Variants in FAM193A observed in about 807,000 individuals in gnomAD.
FAM193A encodes the protein protein FAM193A.
Under a neutral mutation model 126.5 loss-of-function variants are expected in FAM193A, and 22 were observed. That is an observed-to-expected ratio of 0.17 (90% CI 0.12 to 0.25). The LOEUF (loss-of-function observed/expected upper bound fraction) is 0.25, where lower values mean the gene tolerates loss of function less well. Among genes scored for constraint, FAM193A ranks in the 10% least tolerant of loss-of-function variants. The pLI is 1.00. For missense variants in FAM193A, 1,675 were observed against 1,672.8 expected (o/e 1.00, Z -0.02); for synonymous variants, 761 against 646.8 (o/e 1.18, Z -2.68).
chr4:2,559,212 G>C (rs1196860022), intron 1 of FAM193A, among the ~76,000 whole-genome samples: 2 of 152,152 alleles, frequency 1.3e-5, no homozygotes, highest in African/African-American at 4.8e-5. Flanking sequence ...TCAAATCATA[G>C]ATGCATAGAA....
chr4:2,710,761 T>C (rs898815680), intron 19 of FAM193A, among the ~76,000 whole-genome samples: 4 of 151,968 alleles, frequency 2.6e-5, no homozygotes, highest in African/African-American at 9.7e-5. Flanking sequence ...CACCTAGGCC[T>C]CCCAAAGTGC....
rs188477849 is a variant in FAM193A at position 2,645,431 on chromosome 4, G to A, written c.1164-1254G>A. 9.9e-5 allele frequency among the ~76,000 whole-genome samples: 15 copies of A among 152,166 alleles called. No individual in the cohort carries two copies. In the East Asian group the frequency reaches 2.1e-3, roughly 22 times the overall value. On this transcript the variant is annotated intron_variant, in intron 6 of 20. Coordinates refer to ENST00000637812, the MANE Select transcript of FAM193A (RefSeq NM_001366318.2). ...ATCTTGCTCAGTCTTTTCAGAAATC[G>A]AGGTGTTTTTTCTCACTGTCCACCT...
At chr4:2,622,653 C>G (rs1205632530) in intron 2 of FAM193A, among the ~76,000 whole-genome samples, 1 of 152,144 alleles carries the variant, frequency 6.6e-6, no homozygotes, top group Admixed American at 6.5e-5. Context: ...GCTGGAAGGT[C>G]TAAGATCAAG....
At chr4:2,628,997 C>T (rs56052869) in intron 4 of FAM193A, among the ~76,000 whole-genome samples, 10,119 of 152,098 alleles carry the variant, frequency 0.067, 590 homozygotes, top group African/African-American at 0.15. Context: ...GGACTACAGG[C>T]GCCTGACACC....
At chr4:2,642,964 CT>C (rs1414726129) in intron 6 of FAM193A, among the ~76,000 whole-genome samples, 1 of 151,988 alleles carries the variant, frequency 6.6e-6, no homozygotes, top group Non-Finnish European at 1.5e-5. Context: ...TTTCTGTGCC[CT>C]AGTTCTGGAT....
Position 2,586,563 on chromosome 4 carries a change from A to C in FAM193A, c.256-9521A>C, listed in dbSNP as rs140651812. Among the ~76,000 whole-genome samples, 210 of 152,254 alleles carry C rather than the reference A, an allele frequency of 1.4e-3. 1 individual carries two copies. Among genetic ancestry groups the C allele is most frequent in the African/African-American group, 4.9e-3 (205 of 41,556 alleles). On this transcript the variant is annotated intron_variant, in intron 1 of 20. Coordinates refer to ENST00000637812, the MANE Select transcript of FAM193A (RefSeq NM_001366318.2). ...TATGTGTTTCATACCTTGGTTATAA[A>C]TTTAGTGTCCGTGTATCATACCTTG...
At chr4:2,658,664 C>T (rs2109099341) in intron 8 of FAM193A, among the ~76,000 whole-genome samples, 1 of 152,334 alleles carries the variant, frequency 6.6e-6, no homozygotes, top group Middle Eastern at 3.4e-3. Flanking sequence ...GTGGTCTCCT[C>T]TGGGCACCAC....
chr4:2,644,494 T>A (rs1462502795), intron 6 of FAM193A, among the ~76,000 whole-genome samples: 1 of 152,168 alleles, frequency 6.6e-6, no homozygotes, highest in African/African-American at 2.4e-5. Context: ...GGCAGATCCC[T>A]GGCGCCACTG....
intron 1 of FAM193A, among the ~76,000 whole-genome samples, chr4:2,561,030 C>G (rs1738580367): frequency 6.6e-6 from 1 of 152,222 alleles, no homozygotes; most frequent in African/African-American, 2.4e-5. Context: ...TGGCACCATG[C>G]CATTGTAGTT....
At chr4:2,724,385 C>A (rs1392793594) in intron 20 of FAM193A, among the ~76,000 whole-genome samples, 1 of 152,106 alleles carries the variant, frequency 6.6e-6, no homozygotes, top group African/African-American at 2.4e-5. Flanking sequence ...TCATGTTTTT[C>A]TTATAACCTT....
intron 2 of FAM193A, among the ~76,000 whole-genome samples, chr4:2,603,389 A>G (rs1487459565): frequency 6.8e-6 from 1 of 147,678 alleles, no homozygotes; most frequent in Non-Finnish European, 1.5e-5. Flanking sequence ...GGTTCAAGCC[A>G]TTCTCCTTCC....
At chr4:2,675,557 A>G (rs932060329) in intron 13 of FAM193A, among the ~76,000 whole-genome samples, 2 of 152,214 alleles carry the variant, frequency 1.3e-5, no homozygotes, top group African/African-American at 4.8e-5. Flanking sequence ...TGAAATTAAT[A>G]TAGCTCCTCT....
chr4:2,704,426 GTGGTGGCAC>G lies in FAM193A; in HGVS notation c.4372+3884_4372+3892del, dbSNP rs1193401039. Among the ~76,000 whole-genome samples, 3 of 152,098 alleles carry G rather than the reference GTGGTGGCAC, an allele frequency of 2.0e-5. No homozygotes were observed. The East Asian group carries it at 5.8e-4, about 29-fold the overall frequency. On this transcript the variant is annotated intron_variant, in intron 19 of 20. Coordinates refer to ENST00000637812, the MANE Select transcript of FAM193A (RefSeq NM_001366318.2). ...CTAAAAATACAAAAATTAGTCGGGT[GTGGTGGCAC>G]TCACCTATAGTCTCAGCTACTGGAG...
intron 20 of FAM193A, among the ~76,000 whole-genome samples, chr4:2,721,036 G>A (rs537511933): frequency 5.9e-5 from 9 of 152,022 alleles, no homozygotes; most frequent in East Asian, 3.9e-4. Flanking sequence ...GGCGTGGGCC[G>A]GGCGCGGTGG....
At chr4:2,606,353 C>T (rs1245911175) in intron 2 of FAM193A, among the ~76,000 whole-genome samples, 1 of 152,208 alleles carries the variant, frequency 6.6e-6, no homozygotes, top group Non-Finnish European at 1.5e-5. Context: ...TCCGGCCTAA[C>T]AAACCTCTTT....
At chr4:2,613,723 G>A (rs1291444793) in intron 2 of FAM193A, among the ~76,000 whole-genome samples, 1 of 151,328 alleles carries the variant, frequency 6.6e-6, no homozygotes, top group Non-Finnish European at 1.5e-5. Context: ...CAAAGTGCTG[G>A]GATTACAGGC....
chr4:2,660,629 A>T (rs994177797), intron 10 of FAM193A, among the ~76,000 whole-genome samples: 2 of 152,186 alleles, frequency 1.3e-5, no homozygotes, highest in South Asian at 2.1e-4. Context: ...GTAGTTGCCA[A>T]AGTCAGCTTA....
At chr4:2,573,453 CAGTGAGCTG>C (rs1286879653) in intron 1 of FAM193A, among the ~76,000 whole-genome samples, 1 of 149,658 alleles carries the variant, frequency 6.7e-6, no homozygotes, top group African/African-American at 2.5e-5. Flanking sequence ...GCGGAGGTTG[CAGTGAGCTG>C]AGATCGTGCC....
intron 1 of FAM193A, among the ~76,000 whole-genome samples, chr4:2,537,760 C>G (rs1214411951): frequency 6.6e-6 from 1 of 152,196 alleles, no homozygotes; most frequent in Non-Finnish European, 1.5e-5. Context: ...TTGAAATCTA[C>G]CTGACAGCCA....
Sources: gnomAD v4.1 joint callset for allele counts (sites outside exome capture counted in the v4.1 genomes callset) on GRCh38, gnomAD v4.1.1 for gene constraint, MANE v1.5 for transcripts, NCBI Gene and HGNC (gene_info 2026-07-23, HGNC 2026-07-21) for gene names.